The following CDC42BPA variants were observed in gnomAD, a reference collection of about 807,000 sequenced individuals.
CDC42BPA encodes the protein serine/threonine-protein kinase MRCK alpha.
A neutral mutation model predicts 223.5 loss-of-function variants in CDC42BPA; 80 were observed. The ratio of observed to expected loss-of-function variants is 0.36; its 90% CI spans 0.30 to 0.43. The LOEUF (loss-of-function observed/expected upper bound fraction) is 0.43, where lower values mean the gene tolerates loss of function less well. Among genes scored for constraint, CDC42BPA ranks in the 20% least tolerant of loss-of-function variants. The pLI, the probability that CDC42BPA is intolerant of heterozygous loss-of-function variation, is 1.00. For missense variants in CDC42BPA, 1,743 were observed against 2,099.9 expected (o/e 0.83, Z 3.32); for synonymous variants, 694 against 718.6 (o/e 0.97, Z 0.55).
At chr1:227,018,690 C>A (rs1666776403) in intron 32 of CDC42BPA, among the ~76,000 whole-genome samples, 1 of 152,110 alleles carries the variant, frequency 6.6e-6, no homozygotes, top group South Asian at 2.1e-4. Flanking sequence ...GGAAAAAGTG[C>A]AGGTTCAATT....
chr1:227,058,881 A>G (rs1271446490), intron 21 of CDC42BPA, among the ~76,000 whole-genome samples: 1 of 152,114 alleles, frequency 6.6e-6, no homozygotes, highest in Non-Finnish European at 1.5e-5. Context: ...ACATTAAAAA[A>G]AAAAAAACAA....
intron 3 of CDC42BPA, among the ~76,000 whole-genome samples, chr1:227,212,043 T>C (rs2150357527): frequency 6.6e-6 from 1 of 152,248 alleles, no homozygotes; most frequent in East Asian, 1.9e-4. Flanking sequence ...TATTATTTGT[T>C]TTACAGAGAA....
intron 4 of CDC42BPA, among the ~76,000 whole-genome samples, chr1:227,196,339 T>TTTTTTTTTTTTTTTTCTTTTTC (rs1558733075): frequency 7.6e-4 from 2 of 2,648 alleles, no homozygotes; most frequent in African/African-American, 1.9e-3. Context: ...TAAACAATAC[T>TTTTTTTTTTTTTTTTCTTTTTC]TTTTTTTTTT....
At position 227,285,683 on chromosome 1, in the gene CDC42BPA, A is replaced by G. The variant is rs564947493; in HGVS notation, c.178+31322T>C. Among the ~76,000 whole-genome samples, 44 of 152,316 alleles carry G rather than the reference A, an allele frequency of 2.9e-4. No homozygotes were observed. In the South Asian group the frequency reaches 8.3e-3, roughly 29 times the overall value. ...CTAGAAAGAGGATCATTTAGGGTTT[A>G]CCATGGGATTATCGAATGAGAATAA... On this transcript the variant is annotated intron_variant, in intron 1 of 36. Transcript: ENST00000366766.
chr1:227,236,310 T>G (rs1679008431), intron 2 of CDC42BPA, among the ~76,000 whole-genome samples: 1 of 152,180 alleles, frequency 6.6e-6, no homozygotes. Context: ...ACTTTACCAA[T>G]CATCTTAACG....
intron 24 of CDC42BPA, among the ~76,000 whole-genome samples, chr1:227,038,559 C>A (rs74683900): frequency 6.6e-6 from 1 of 152,138 alleles, no homozygotes; most frequent in Admixed American, 6.5e-5. Context: ...ACAGCACAAA[C>A]AACAGCCAAT....
At chr1:227,148,832 CAT>C (rs1350909753) in intron 6 of CDC42BPA, among the ~76,000 whole-genome samples, 1 of 76,268 alleles carries the variant, frequency 1.3e-5, no homozygotes, top group Non-Finnish European at 2.7e-5. Context: ...TTTGTATAAA[CAT>C]ATAAAAGAAC....
chr1:227,267,997 G>A (rs957610461), intron 1 of CDC42BPA, among the ~76,000 whole-genome samples: 1 of 152,140 alleles, frequency 6.6e-6, no homozygotes, highest in Non-Finnish European at 1.5e-5. Flanking sequence ...CCATGTCCCA[G>A]GCACTGGAGC....
At chr1:227,025,863 T>A (rs550018963) in intron 31 of CDC42BPA, among the ~76,000 whole-genome samples, 192 bp downstream of exon 31, 1 of 152,176 alleles carries the variant, frequency 6.6e-6, no homozygotes, top group African/African-American at 2.4e-5. Context: ...AAAATTAGTA[T>A]GGTTTTAGTG....
intron 11 of CDC42BPA, among the ~76,000 whole-genome samples, chr1:227,125,706 C>T (rs941940072): frequency 6.6e-6 from 1 of 151,628 alleles, no homozygotes; most frequent in Non-Finnish European, 1.5e-5. Flanking sequence ...AGAAACCACA[C>T]GGGGAACCTG....
At chr1:227,278,881 GATTTAA>G (rs1687562101) in intron 1 of CDC42BPA, among the ~76,000 whole-genome samples, 1 of 152,078 alleles carries the variant, frequency 6.6e-6, no homozygotes, top group Admixed American at 6.6e-5. Flanking sequence ...GGCATTAAGT[GATTTAA>G]ATTTAAATTA....
intron 35 of CDC42BPA, among the ~76,000 whole-genome samples, chr1:227,002,666 G>A (rs1472375103): frequency 1.3e-5 from 2 of 152,210 alleles, no homozygotes; most frequent in African/African-American, 2.4e-5. Flanking sequence ...TGCCCTGGAG[G>A]AAGCCTGCAG....
At chr1:227,146,578 G>A (rs1389616705) in intron 7 of CDC42BPA, among the ~76,000 whole-genome samples, 1 of 152,000 alleles carries the variant, frequency 6.6e-6, no homozygotes, top group African/African-American at 2.4e-5. Context: ...ATTTGCAACT[G>A]CTCACAATCT....
intron 3 of CDC42BPA, among the ~76,000 whole-genome samples, chr1:227,203,569 A>T (rs1672164130): frequency 6.6e-6 from 1 of 152,180 alleles, no homozygotes. Flanking sequence ...TTTTAAAAAA[A>T]ACTAAACAAT....
intron 33 of CDC42BPA, 22 bp downstream of exon 33, chr1:227,016,905 A>T (rs1666386832): frequency 6.2e-7 from 1 of 1,604,156 alleles, no homozygotes; most frequent in Non-Finnish European, 8.5e-7. Flanking sequence ...AGCATGGATG[A>T]TACTACAGGT....
chr1:227,088,187 G>C (rs575714001), intron 16 of CDC42BPA, among the ~76,000 whole-genome samples: 1 of 152,246 alleles, frequency 6.6e-6, no homozygotes, highest in South Asian at 2.1e-4. Flanking sequence ...ACCCTTCTTT[G>C]ACTTAGTTTC....
At chr1:227,141,502 G>T (rs1167223883) in intron 9 of CDC42BPA, among the ~76,000 whole-genome samples, 1 of 152,154 alleles carries the variant, frequency 6.6e-6, no homozygotes, top group East Asian at 1.9e-4. Flanking sequence ...GTTCATCCAT[G>T]AAAAGAACAG....
intron 1 of CDC42BPA, among the ~76,000 whole-genome samples, chr1:227,291,250 G>A (rs1021990648): frequency 6.6e-6 from 1 of 151,964 alleles, no homozygotes; most frequent in Non-Finnish European, 1.5e-5. Context: ...GGAAAACAGT[G>A]TTAAAAAAGA....
At chr1:227,012,188 G>A (rs571799376) in intron 34 of CDC42BPA, among the ~76,000 whole-genome samples, 1 of 152,216 alleles carries the variant, frequency 6.6e-6, no homozygotes, top group East Asian at 1.9e-4. Flanking sequence ...AACAATTTTA[G>A]TAATGGATAA....
Sources: allele counts gnomAD v4.1 joint callset (sites outside exome capture counted in the v4.1 genomes callset), GRCh38; gene constraint gnomAD v4.1.1; transcripts MANE v1.5; gene names NCBI Gene and HGNC (gene_info 2026-07-23, HGNC 2026-07-21).